The following PPP1R21 variants were observed in gnomAD, a reference collection of about 807,000 sequenced individuals.
The protein encoded by PPP1R21 is protein phosphatase 1 regulatory subunit 21, also known as KLRAQ motif containing 1.
PPP1R21 carries 85 observed loss-of-function variants against 112.8 expected under a neutral mutation model. That is an observed-to-expected ratio of 0.75 (90% CI 0.63 to 0.90). PPP1R21 has a LOEUF of 0.90. Among genes scored for constraint, PPP1R21 ranks in the 40% least tolerant of loss-of-function variants. The probability of loss-of-function intolerance (pLI) is 0.00; values close to 1 mark genes in which losing one functional copy is unlikely to be tolerated. For synonymous variants in PPP1R21, 381 were observed against 322.3 expected, an observed-to-expected ratio of 1.18 and a Z score of -1.95; for missense variants, 1,199 against 901.5, an observed-to-expected ratio of 1.33 and a Z score of -4.23.
intron 17 of PPP1R21, among the ~76,000 whole-genome samples, chr2:48,500,383 GTTTACTATACTT>G (rs1349784129): frequency 6.6e-6 from 1 of 151,696 alleles, no homozygotes; most frequent in Admixed American, 6.6e-5. Context: ...ATATACAGAT[GTTTACTATACTT>G]TTTACCGCTA....
intron 1 of PPP1R21, among the ~76,000 whole-genome samples, chr2:48,448,999 G>A (rs1478307477): frequency 5.3e-5 from 8 of 151,054 alleles, no homozygotes; most frequent in Non-Finnish European, 5.9e-5. Flanking sequence ...TGGCCAACCC[G>A]TGTTCTAGAG....
At chr2:48,452,552 AATT>A (rs1254808346) in intron 2 of PPP1R21, among the ~76,000 whole-genome samples, 4 of 150,806 alleles carry the variant, frequency 2.7e-5, no homozygotes, top group Non-Finnish European at 4.4e-5. Context: ...GAGAAAAATA[AATT>A]ATTTTTTTTT....
intron 1 of PPP1R21, among the ~76,000 whole-genome samples, chr2:48,450,774 GA>G (rs1428802866): frequency 4.7e-5 from 7 of 149,576 alleles, no homozygotes; most frequent in South Asian, 4.2e-4. Context: ...TTTTGCCATT[GA>G]TTTTTTTTTT....
At chr2:48,496,310 C>G (rs994820652) in intron 16 of PPP1R21, among the ~76,000 whole-genome samples, 9 of 152,182 alleles carry the variant, frequency 5.9e-5, no homozygotes, top group Admixed American at 2.6e-4. Flanking sequence ...CTGATCTTCT[C>G]TTGCCCTCTT....
intron 17 of PPP1R21, among the ~76,000 whole-genome samples, chr2:48,503,952 CAA>C (rs11389758): frequency 2.2e-5 from 3 of 135,728 alleles, no homozygotes; most frequent in Non-Finnish European, 1.6e-5. Flanking sequence ...GACTATGTCT[CAA>C]AAAAAAAAAA....
chr2:48,486,640 A>G lies in PPP1R21; in HGVS notation c.1328A>G (p.Lys443Arg). 6.2e-7 allele frequency: 1 copy of G among 1,610,506 alleles called. No homozygotes were observed. The highest frequency in any genetic ancestry group is 8.5e-7 in the Non-Finnish European group (1 of 1,176,996). Reference protein sequence around the residue: ...GFHDVMKDISKHYSQKAAIEH... With the variant: ...GFHDVMKDISRHYSQKAAIEH... ...GTAATTGCTTTTATAGATATTTCCA[A>G]ACATTATAGTCAAAAAGCTGCAATA... The change falls in exon 14 of 22, where the codon AAA (lysine) becomes AGA (arginine). Residue 443 changes from lysine to arginine, a missense_variant. Transcript: ENST00000294952.
chr2:48,512,069 G>T (rs1471382708), intron 21 of PPP1R21, among the ~76,000 whole-genome samples: 2 of 152,090 alleles, frequency 1.3e-5, no homozygotes, highest in African/African-American at 4.8e-5. Context: ...ACTCACAAAG[G>T]GCTTTAGGAA....
chr2:48,507,854 C>G (rs1044594156), intron 19 of PPP1R21, among the ~76,000 whole-genome samples: 2 of 146,264 alleles, frequency 1.4e-5, no homozygotes, highest in Non-Finnish European at 3.0e-5. Context: ...CAACCTCCGC[C>G]TCCTGGGTTC....
intron 21 of PPP1R21, 83 bp from the exon 22 acceptor site, chr2:48,514,632 T>C: frequency 9.8e-7 from 1 of 1,017,534 alleles, no homozygotes; most frequent in Non-Finnish European, 1.5e-6. Flanking sequence ...GAAATATGGC[T>C]TTCAGACAGC....
At chr2:48,505,660 G>A (rs1670342080) in intron 18 of PPP1R21, 64 bp downstream of exon 18, 1 of 1,342,112 alleles carries the variant, frequency 7.5e-7, no homozygotes, top group East Asian at 2.5e-5. Context: ...TGTTGACAAA[G>A]TCCTGCAAAA....
intron 14 of PPP1R21, among the ~76,000 whole-genome samples, chr2:48,489,999 C>T (rs1256356406): frequency 1.3e-5 from 2 of 151,902 alleles, no homozygotes; most frequent in Non-Finnish European, 2.9e-5. Flanking sequence ...GAGCCGAGAT[C>T]GTGCCACCGC....
chr2:48,441,130 C>A, intron 1 of PPP1R21, 120 bp downstream of exon 1: 1 of 719,792 alleles, frequency 1.4e-6, no homozygotes, highest in Non-Finnish European at 2.5e-6. Context: ...CCCCACCTTT[C>A]CCCTCAGCCG....
At chr2:48,491,232 G>A (rs752015444) in intron 15 of PPP1R21, 62 bp downstream of exon 15, 34 of 1,544,692 alleles carry the variant, frequency 2.2e-5, no homozygotes, top group Non-Finnish European at 2.9e-5. Context: ...CTAGAGAATG[G>A]CAAGAGTTTT....
chr2:48,484,225 C>T (rs1669170924), intron 13 of PPP1R21, among the ~76,000 whole-genome samples: 1 of 152,190 alleles, frequency 6.6e-6, no homozygotes, highest in Admixed American at 6.5e-5. Context: ...CCTAATAAAT[C>T]ATCCTATACC....
At chr2:48,445,446 A>C (rs1481307216) in intron 1 of PPP1R21, among the ~76,000 whole-genome samples, 1 of 152,206 alleles carries the variant, frequency 6.6e-6, no homozygotes, top group Non-Finnish European at 1.5e-5. Flanking sequence ...GGGTCTTTGC[A>C]TCACAGATGT....
chr2:48,464,800 A>G (rs1668126896), intron 7 of PPP1R21, 137 bp from the exon 8 acceptor site: 1 of 569,750 alleles, frequency 1.8e-6, no homozygotes. Flanking sequence ...TGTAAATTCC[A>G]TTATTCTGTA....
At chr2:48,451,161 A>G in intron 2 of PPP1R21, 85 bp downstream of exon 2, 2 of 1,045,968 alleles carry the variant, frequency 1.9e-6, no homozygotes, top group Non-Finnish European at 3.0e-6. Flanking sequence ...TCTGGGTTAA[A>G]GTTCCAACTC....
chr2:48,485,047 A>G (rs986449635), intron 13 of PPP1R21, among the ~76,000 whole-genome samples: 1 of 152,218 alleles, frequency 6.6e-6, no homozygotes, highest in African/African-American at 2.4e-5. Context: ...TACAAAAAGC[A>G]TTCAGTACTT....
intron 19 of PPP1R21, among the ~76,000 whole-genome samples, chr2:48,507,729 T>C (rs1000230776): frequency 1.4e-5 from 2 of 146,626 alleles, no homozygotes; most frequent in African/African-American, 5.0e-5. Context: ...AATATAAGAC[T>C]GATTTGAGTG....
Sources: gnomAD v4.1 joint callset for allele counts (sites outside exome capture counted in the v4.1 genomes callset) on GRCh38, gnomAD v4.1.1 for gene constraint, MANE v1.5 for transcripts, NCBI Gene and HGNC (gene_info 2026-07-23, HGNC 2026-07-21) for gene names.